DIAPH2: variants seen among roughly 807,000 people sequenced by gnomAD.
DIAPH2 encodes the protein protein diaphanous homolog 2.
In DIAPH2, 35 loss-of-function variants were observed where a neutral mutation model predicts 92.7. The observed-to-expected ratio is 0.38, with a 90% CI of 0.29 to 0.50. The LOEUF (loss-of-function observed/expected upper bound fraction) is 0.50, where lower values mean the gene tolerates loss of function less well. Among genes scored for constraint, DIAPH2 ranks in the 20% least tolerant of loss-of-function variants. The pLI is 0.94. For missense variants in DIAPH2, 701 were observed against 819.5 expected (o/e 0.86, Z 1.77); for synonymous variants, 301 against 280.4 (o/e 1.07, Z -0.73).
intron 4 of DIAPH2, among the ~76,000 whole-genome samples, chrX:96,840,275 T>A: frequency 8.9e-6 from 1 of 112,059 alleles, no homozygotes; most frequent in South Asian, 3.8e-4. Context: ...TCCCTGATGA[T>A]ATGGCACACT....
intron 26 of DIAPH2, among the ~76,000 whole-genome samples, chrX:97,491,219 T>C (rs2070723179): frequency 9.0e-6 from 1 of 111,523 alleles, no homozygotes; most frequent in African/African-American, 3.3e-5. Flanking sequence ...ACATAAAGTA[T>C]AGCCACTCCT....
intron 22 of DIAPH2, among the ~76,000 whole-genome samples, chrX:97,170,033 A>T (rs2067440340): frequency 9.0e-6 from 1 of 111,564 alleles, no homozygotes; most frequent in Non-Finnish European, 1.9e-5. Context: ...TCATTTAGAG[A>T]GATGAGGAAG....
intron 1 of DIAPH2, among the ~76,000 whole-genome samples, chrX:96,723,143 A>C (rs1287559293): frequency 1.8e-5 from 2 of 111,816 alleles, no homozygotes; most frequent in Non-Finnish European, 3.8e-5. Context: ...GAAATTTGGG[A>C]TACTCAGAGC....
chrX:97,407,255 C>T (rs2069819293), intron 25 of DIAPH2, among the ~76,000 whole-genome samples: 2 of 111,648 alleles, frequency 1.8e-5, no homozygotes, highest in Non-Finnish European at 3.8e-5. Context: ...TAGTATTTTT[C>T]TGTGTTCTTC....
intron 21 of DIAPH2, among the ~76,000 whole-genome samples, chrX:97,136,280 A>G (rs1434226238): frequency 2.7e-5 from 3 of 111,791 alleles, no homozygotes; most frequent in African/African-American, 6.5e-5. Context: ...ATAACATGCT[A>G]TCTTATTCAA....
intron 5 of DIAPH2, among the ~76,000 whole-genome samples, chrX:96,883,073 G>A (rs188908953): frequency 1.5e-4 from 16 of 107,709 alleles, no homozygotes; most frequent in African/African-American, 5.1e-4. Flanking sequence ...AAAACTTACT[G>A]TGATTTTATC....
At chrX:97,190,541 C>T (rs1052106554) in intron 22 of DIAPH2, among the ~76,000 whole-genome samples, 6 of 111,848 alleles carry the variant, frequency 5.4e-5, no homozygotes, top group African/African-American at 2.0e-4. Context: ...CCATGTTGCT[C>T]CTTAGTTAGC....
chrX:96,722,666 A>G (rs1281212548), intron 1 of DIAPH2, among the ~76,000 whole-genome samples: 1 of 112,130 alleles, frequency 8.9e-6, no homozygotes, highest in African/African-American at 3.2e-5. Context: ...CATTTATGTA[A>G]TATATACAAA....
intron 14 of DIAPH2, among the ~76,000 whole-genome samples, chrX:96,947,390 C>G (rs926211253): frequency 1.8e-5 from 2 of 111,070 alleles, no homozygotes; most frequent in Non-Finnish European, 3.8e-5. Flanking sequence ...TAAAGGCAAA[C>G]AAGCTCACAT....
rs1419247666 is a variant in DIAPH2 at position 96,881,627 on chromosome X, T to C, written c.496T>C (p.Tyr166His). ...TGAATGCACCCTGTCTTCACAAGAATATGTTCATGAATTACGATCGGGTAT... is the reference window on the plus strand; with the variant it reads ...TGAATGCACCCTGTCTTCACAAGAACATGTTCATGAATTACGATCGGGTAT... Reference protein sequence around the residue: ...KHECTLSSQEYVHELRSGISD... With the variant: ...KHECTLSSQEHVHELRSGISD... Residue 166 changes from tyrosine (Y) to histidine (H), a missense_variant, in exon 5 of 27, where the codon TAT becomes CAT. Physicochemically the swap from Tyr to His is moderately conservative, Grantham distance 83. Around this residue, in one of 3 missense-constraint regions of DIAPH2, gnomAD observed 131 missense variants for 145.6 expected, o/e 0.90. Coordinates refer to ENST00000324765, the MANE Select transcript of DIAPH2 (RefSeq NM_006729.5). The C allele has an allele frequency of 8.3e-7, 1 of 1,208,425 alleles. No homozygotes were observed. The highest frequency in any genetic ancestry group is 2.2e-5 in the Admixed American group (1 of 45,868).
At chrX:97,507,562 A>G (rs954148670) in intron 26 of DIAPH2, among the ~76,000 whole-genome samples, 1 of 111,575 alleles carries the variant, frequency 9.0e-6, no homozygotes, top group Non-Finnish European at 1.9e-5. Flanking sequence ...TTTGATTCTG[A>G]AAGCTTTCTG....
intron 4 of DIAPH2, among the ~76,000 whole-genome samples, chrX:96,850,003 C>A (rs1045426942): frequency 9.1e-6 from 1 of 110,123 alleles, no homozygotes; most frequent in Admixed American, 9.7e-5. Flanking sequence ...TATATGACAT[C>A]TGTTCATTTT....
intron 21 of DIAPH2, among the ~76,000 whole-genome samples, chrX:97,120,196 C>A (rs926003536): frequency 9.0e-6 from 1 of 110,773 alleles, no homozygotes; most frequent in Admixed American, 9.6e-5. Flanking sequence ...GCTTGGGGAC[C>A]CAGCGAACTC....
At chrX:97,473,978 T>C (rs1457363571) in intron 26 of DIAPH2, among the ~76,000 whole-genome samples, 1 of 112,192 alleles carries the variant, frequency 8.9e-6, no homozygotes, top group Non-Finnish European at 1.9e-5. Flanking sequence ...AGAAAAACAA[T>C]ATTTTGTGAC....
In DIAPH2 at chrX:97,510,107, T is replaced by C. The variant is rs772313923; in HGVS notation, c.3241+80362T>C. Among the ~76,000 whole-genome samples, 253 of 110,360 alleles carry C rather than the reference T, an allele frequency of 2.3e-3. 1 individual carries two copies. The highest frequency in any genetic ancestry group is 8.2e-3 in the African/African-American group (248 of 30,208). ...ACACTGACTTCCACAATGGTTGAACTAGTTTACAGTCCCACCAACAGTGTA... is the reference window on the plus strand; with the variant it reads ...ACACTGACTTCCACAATGGTTGAACCAGTTTACAGTCCCACCAACAGTGTA... On this transcript the variant is annotated intron_variant, in intron 26 of 26. Transcript: ENST00000324765.
In DIAPH2 at chrX:97,469,746, G is replaced by A. The variant is rs755283608; in HGVS notation, c.3241+40001G>A. ...CTAATCCAAGATCAGCTACATAAACGGCCTGAGTGCTGTTTTAAACAGGAT... is the reference window on the plus strand; with the variant it reads ...CTAATCCAAGATCAGCTACATAAACAGCCTGAGTGCTGTTTTAAACAGGAT... On this transcript the variant is annotated intron_variant, in intron 26 of 26. Transcript: ENST00000324765. 10 of 1,201,866 alleles carry A rather than the reference G, an allele frequency of 8.3e-6. No homozygotes were observed. In the East Asian group the frequency reaches 8.9e-5, roughly 11 times the overall value.
chrX:97,443,735 C>T, intron 26 of DIAPH2, among the ~76,000 whole-genome samples: 1 of 111,839 alleles, frequency 8.9e-6, no homozygotes, highest in East Asian at 2.8e-4. Context: ...ATATAAAAAA[C>T]ACAATGTAAC....
At chrX:96,699,470 G>A (rs995752067) in intron 1 of DIAPH2, among the ~76,000 whole-genome samples, 21 of 111,269 alleles carry the variant, frequency 1.9e-4, no homozygotes, top group Non-Finnish European at 3.8e-4. Context: ...ACTGGGGGAG[G>A]GTGCTACACT....
At chrX:96,981,402 TA>T (rs779876201) in intron 17 of DIAPH2, among the ~76,000 whole-genome samples, 5 of 111,738 alleles carry the variant, frequency 4.5e-5, no homozygotes, top group African/African-American at 1.3e-4. Flanking sequence ...TTTGTCTGTT[TA>T]AAAAATAACT....
Sources: allele counts gnomAD v4.1 joint callset (sites outside exome capture counted in the v4.1 genomes callset), GRCh38; gene constraint gnomAD v4.1.1; regional missense constraint gnomAD v4.1.1; transcripts MANE v1.5; gene names NCBI Gene and HGNC (gene_info 2026-07-23, HGNC 2026-07-21).